The following GRB14 variants were observed in gnomAD, a reference collection of about 807,000 sequenced individuals.
The protein encoded by GRB14 is growth factor receptor bound protein 14.
GRB14 carries 38 observed loss-of-function variants against 69.1 expected under a neutral mutation model. The ratio of observed to expected loss-of-function variants is 0.55; its 90% CI spans 0.42 to 0.72. The LOEUF (loss-of-function observed/expected upper bound fraction) is 0.72. Ranked by LOEUF, GRB14 falls within the 30% of genes least tolerant of loss-of-function variation. The pLI is 0.00. For synonymous variants in GRB14, 247 were observed against 241.3 expected (o/e 1.02, Z -0.22); for missense variants, 666 against 666.1 (o/e 1.00, Z 0.00).
At chr2:164,559,650 A>G (rs1449729866) in intron 2 of GRB14, among the ~76,000 whole-genome samples, 3 of 152,198 alleles carry the variant, frequency 2.0e-5, no homozygotes, top group African/African-American at 7.2e-5. Context: ...GTAGTATTCC[A>G]TCATATAAAT....
At chr2:164,582,422 TTA>T (rs201732129) in intron 2 of GRB14, among the ~76,000 whole-genome samples, 24,627 of 114,208 alleles carry the variant, frequency 0.22, 2,341 homozygotes, top group African/African-American at 0.37. Flanking sequence ...TATTTATTTA[TTA>T]TTTTTTTTTT....
chr2:164,543,782 A>G (rs1056461947), intron 3 of GRB14, among the ~76,000 whole-genome samples: 1 of 152,224 alleles, frequency 6.6e-6, no homozygotes, highest in African/African-American at 2.4e-5. Flanking sequence ...TCCTACCACA[A>G]TTAGACTGAA....
intron 3 of GRB14, among the ~76,000 whole-genome samples, chr2:164,538,014 G>A (rs1036756244): frequency 6.6e-6 from 1 of 150,562 alleles, no homozygotes; most frequent in Non-Finnish European, 1.5e-5. Context: ...AAAAAAAAAA[G>A]AGCGAAGGAG....
chr2:164,515,008 C>T (rs1687442601), intron 6 of GRB14, among the ~76,000 whole-genome samples: 1 of 152,158 alleles, frequency 6.6e-6, no homozygotes. Flanking sequence ...AACATAACTC[C>T]ATTGGCCTGA....
intron 2 of GRB14, among the ~76,000 whole-genome samples, chr2:164,550,144 A>C (rs1269272409): frequency 6.6e-6 from 1 of 152,158 alleles, no homozygotes; most frequent in Non-Finnish European, 1.5e-5. Context: ...TGGCCAAAGA[A>C]TTGAATTTTA....
At chr2:164,498,657 C>T (rs1686969056) in intron 9 of GRB14, among the ~76,000 whole-genome samples, 1 of 152,106 alleles carries the variant, frequency 6.6e-6, no homozygotes, top group Admixed American at 6.6e-5. Context: ...ATCTGGGGCC[C>T]CCTGGCTTAA....
chr2:164,549,101 G>A (rs1301624839), intron 2 of GRB14, among the ~76,000 whole-genome samples: 3 of 151,880 alleles, frequency 2.0e-5, no homozygotes, highest in Admixed American at 6.6e-5. Flanking sequence ...GGCTGGTCTC[G>A]AACTCTGACC....
intron 6 of GRB14, among the ~76,000 whole-genome samples, chr2:164,521,101 A>T (rs554432621): frequency 2.5e-3 from 375 of 152,304 alleles, no homozygotes; most frequent in Non-Finnish European, 4.2e-3. Context: ...ATATGGAACC[A>T]GCGCAAATCC....
At chr2:164,593,936 G>A (rs1689726623) in intron 2 of GRB14, among the ~76,000 whole-genome samples, 1 of 152,036 alleles carries the variant, frequency 6.6e-6, no homozygotes, top group Non-Finnish European at 1.5e-5. Flanking sequence ...TTAACTACAG[G>A]AAAAACAGAA....
At chr2:164,577,973 G>A (rs1037634427) in intron 2 of GRB14, among the ~76,000 whole-genome samples, 2 of 152,154 alleles carry the variant, frequency 1.3e-5, no homozygotes, top group African/African-American at 2.4e-5. Flanking sequence ...GGTGGCTCAC[G>A]CCTATAATCA....
chr2:164,523,069 T>C (rs1687675137), intron 5 of GRB14, among the ~76,000 whole-genome samples: 2 of 151,632 alleles, frequency 1.3e-5, no homozygotes, highest in Non-Finnish European at 2.9e-5. Flanking sequence ...AGACAGTAAG[T>C]GGGGGGAAAC....
chr2:164,524,813 T>C (rs1235707820), intron 5 of GRB14, among the ~76,000 whole-genome samples, 191 bp downstream of exon 5: 3 of 152,076 alleles, frequency 2.0e-5, no homozygotes, highest in South Asian at 2.1e-4. Flanking sequence ...AGAAGAATAT[T>C]GTTAAAGAGC....
At chr2:164,518,580 G>C (rs1687552936) in intron 6 of GRB14, among the ~76,000 whole-genome samples, 2 of 152,046 alleles carry the variant, frequency 1.3e-5, no homozygotes, top group East Asian at 1.9e-4. Flanking sequence ...TGAAACAAAA[G>C]CTGGTTCTTT....
chr2:164,548,749 C>CA (rs1484291359), intron 2 of GRB14, among the ~76,000 whole-genome samples: 2 of 152,204 alleles, frequency 1.3e-5, no homozygotes, highest in African/African-American at 4.8e-5. Context: ...TGATAACAGC[C>CA]ATCCTAATGG....
At chr2:164,590,163 T>A (rs770253638) in intron 2 of GRB14, among the ~76,000 whole-genome samples, 4 of 152,226 alleles carry the variant, frequency 2.6e-5, no homozygotes, top group African/African-American at 9.6e-5. Flanking sequence ...TTCATATTTT[T>A]CCTAAGGAAT....
intron 2 of GRB14, among the ~76,000 whole-genome samples, chr2:164,584,313 A>G (rs1054532756): frequency 6.6e-6 from 1 of 151,670 alleles, no homozygotes; most frequent in Non-Finnish European, 1.5e-5. Context: ...CCAGCATTGC[A>G]ATTAATTCAA....
At chr2:164,539,336 G>A (rs941720616) in intron 3 of GRB14, among the ~76,000 whole-genome samples, 4 of 151,852 alleles carry the variant, frequency 2.6e-5, no homozygotes, top group East Asian at 1.9e-4. Context: ...TTAGCCAGGC[G>A]TGATGGTGCA....
At chr2:164,581,109 C>T (rs1297325753) in intron 2 of GRB14, among the ~76,000 whole-genome samples, 1 of 152,104 alleles carries the variant, frequency 6.6e-6, no homozygotes, top group Admixed American at 6.5e-5. Context: ...TACAAACCAC[C>T]CATATTTCTA....
intron 2 of GRB14, among the ~76,000 whole-genome samples, chr2:164,548,968 C>T (rs1688456998): frequency 6.6e-6 from 1 of 152,148 alleles, no homozygotes; most frequent in Non-Finnish European, 1.5e-5. Flanking sequence ...GCCTCCACCT[C>T]CCAGGTTCAA....
Sources: allele counts gnomAD v4.1 joint callset (sites outside exome capture counted in the v4.1 genomes callset), GRCh38; gene constraint gnomAD v4.1.1; transcripts MANE v1.5; gene names NCBI Gene and HGNC (gene_info 2026-07-23, HGNC 2026-07-21).